Variants in MTX2 observed in about 807,000 individuals in gnomAD.
MTX2 encodes metaxin 2, also known as metaxin-2.
In MTX2, 35 loss-of-function variants were observed where a neutral mutation model predicts 42.3. The observed-to-expected ratio is 0.83, with a 90% CI of 0.63 to 1.10. The LOEUF is 1.10. MTX2 is among the 50% of genes least tolerant of loss of function. The pLI is 0.00. For missense variants in MTX2, 307 were observed against 304.1 expected (o/e 1.01, Z -0.07); for synonymous variants, 119 against 100.9 (o/e 1.18, Z -1.08).
chr2:176,317,205 T>C (rs1684468876), intron 3 of MTX2, among the ~76,000 whole-genome samples: 1 of 152,146 alleles, frequency 6.6e-6, no homozygotes, highest in South Asian at 2.1e-4. Flanking sequence ...ATAACTTCTT[T>C]CCTTCCTTTT....
intron 1 of MTX2, among the ~76,000 whole-genome samples, chr2:176,279,852 A>C (rs555612458): frequency 2.0e-5 from 3 of 152,156 alleles, no homozygotes; most frequent in Non-Finnish European, 4.4e-5. Flanking sequence ...TAATTTTAAT[A>C]TTAAAATAAA....
At chr2:176,292,987 A>G (rs930978088) in intron 1 of MTX2, among the ~76,000 whole-genome samples, 1 of 152,196 alleles carries the variant, frequency 6.6e-6, no homozygotes, top group Admixed American at 6.5e-5. Context: ...ATTGTGTGTA[A>G]CAGCATACAA....
intron 1 of MTX2, among the ~76,000 whole-genome samples, chr2:176,290,835 A>ATC (rs1693312780): frequency 6.6e-6 from 1 of 151,258 alleles, no homozygotes; most frequent in Non-Finnish European, 1.5e-5. Flanking sequence ...AGAAAAACAT[A>ATC]AATTAACTAT....
At chr2:176,293,869 C>A (rs1683765660) in intron 1 of MTX2, among the ~76,000 whole-genome samples, 1 of 152,164 alleles carries the variant, frequency 6.6e-6, no homozygotes, top group Non-Finnish European at 1.5e-5. Context: ...GTAAGATAGG[C>A]AGCTGTTCAT....
chr2:176,305,616 T>C (rs1244233998), intron 3 of MTX2, among the ~76,000 whole-genome samples: 1 of 152,154 alleles, frequency 6.6e-6, no homozygotes, highest in Non-Finnish European at 1.5e-5. Flanking sequence ...GTGCGTTATT[T>C]ATATGTAATT....
chr2:176,307,568 T>C (rs1418795879), intron 3 of MTX2, among the ~76,000 whole-genome samples: 1 of 152,232 alleles, frequency 6.6e-6, no homozygotes, highest in African/African-American at 2.4e-5. Flanking sequence ...TTGTGTCCTC[T>C]TTTATTTCCT....
At chr2:176,280,542 A>T (rs750944657) in intron 1 of MTX2, among the ~76,000 whole-genome samples, 3 of 152,202 alleles carry the variant, frequency 2.0e-5, no homozygotes, top group Non-Finnish European at 4.4e-5. Flanking sequence ...TGTGAGTGGC[A>T]CAAGGTGAGA....
At chr2:176,293,575 C>T (rs558899966) in intron 1 of MTX2, among the ~76,000 whole-genome samples, 3 of 152,108 alleles carry the variant, frequency 2.0e-5, no homozygotes, top group Admixed American at 6.5e-5. Context: ...TAAAAGAGAG[C>T]GGCATCTCCC....
At chr2:176,322,766 C>G (rs1438694389) in intron 3 of MTX2, among the ~76,000 whole-genome samples, 2 of 151,884 alleles carry the variant, frequency 1.3e-5, no homozygotes, top group Non-Finnish European at 2.9e-5. Context: ...TTGTGTATAG[C>G]ATTCCATAGT....
In MTX2 at chr2:176,336,743, A is replaced by AT. The variant is rs905387734; in HGVS notation, c.621-742dup. 3.9e-5 allele frequency among the ~76,000 whole-genome samples: 6 copies of AT among 152,068 alleles called. No individual in the cohort carries two copies. The South Asian group carries it at 8.3e-4, about 21-fold the overall frequency. ...GCAAGTCACACAACTAGCAAATCAT[A>AT]TTTTTTTTCCATATAGCAGAAACTC... On this transcript the variant is annotated intron_variant, in intron 9 of 9. Transcript: ENST00000249442.
chr2:176,308,901 C>T (rs372992347), intron 3 of MTX2, among the ~76,000 whole-genome samples: 8 of 152,246 alleles, frequency 5.3e-5, no homozygotes, highest in African/African-American at 1.9e-4. Flanking sequence ...TTCAGATCCG[C>T]TCTGATCTTA....
chr2:176,270,207 G>T (rs1692770001), intron 1 of MTX2: 2 of 351,900 alleles, frequency 5.7e-6, no homozygotes, highest in South Asian at 5.1e-5. Flanking sequence ...TTTCTCTTTT[G>T]TCACCGAGGC....
At chr2:176,331,577 T>G (rs939978967) in intron 9 of MTX2, among the ~76,000 whole-genome samples, 1 of 151,150 alleles carries the variant, frequency 6.6e-6, no homozygotes, top group Non-Finnish European at 1.5e-5. Context: ...TTAAGTTATA[T>G]TAATCTATAA....
intron 1 of MTX2, among the ~76,000 whole-genome samples, chr2:176,285,541 C>A (rs1039849959): frequency 1.3e-5 from 2 of 151,826 alleles, no homozygotes; most frequent in African/African-American, 4.8e-5. Flanking sequence ...TTCCCACCAC[C>A]AGCCTGAGTC....
At chr2:176,289,060 T>A (rs1346489773) in intron 1 of MTX2, among the ~76,000 whole-genome samples, 2 of 152,052 alleles carry the variant, frequency 1.3e-5, no homozygotes, top group Non-Finnish European at 2.9e-5. Context: ...TTATGTGAAT[T>A]TATTGGTTAG....
intron 2 of MTX2, among the ~76,000 whole-genome samples, chr2:176,297,407 C>G (rs1337420081): frequency 6.6e-6 from 1 of 152,170 alleles, no homozygotes; most frequent in Non-Finnish European, 1.5e-5. Flanking sequence ...CCCTAGTCTT[C>G]TAAGCATGGA....
At position 176,326,881 on chromosome 2, in the gene MTX2, G is replaced by C. The variant is rs770906767; in HGVS notation, c.265G>C (p.Val89Leu). The change falls in exon 5 of 10, where the codon GTC (valine) becomes CTC (leucine). Residue 89 changes from valine to leucine, a missense_variant. Physicochemically the swap from Val to Leu is conservative, Grantham distance 32. Coordinates refer to ENST00000249442, the MANE Select transcript of MTX2 (RefSeq NM_006554.5). ...AGTAGTATCAGAACTTGGTCCAATAGTCCAATTTGTTAAAGCCAAGGTAAT... is the reference window on the plus strand; with the variant it reads ...AGTAGTATCAGAACTTGGTCCAATACTCCAATTTGTTAAAGCCAAGGTAAT... ...NQVVSELGPI[V>L]QFVKAKGHSL... The C allele has an allele frequency of 1.3e-6, 2 of 1,564,466 alleles. No individual in the cohort carries two copies. The highest frequency in any genetic ancestry group is 2.3e-5 in the South Asian group (2 of 85,442).
At chr2:176,309,979 A>C (rs1277447772) in intron 3 of MTX2, among the ~76,000 whole-genome samples, 2 of 151,396 alleles carry the variant, frequency 1.3e-5, no homozygotes, top group Non-Finnish European at 3.0e-5. Flanking sequence ...CCTGTTAATT[A>C]ATGCAGTTTC....
intron 3 of MTX2, among the ~76,000 whole-genome samples, chr2:176,316,119 A>G (rs1017213950): frequency 2.6e-5 from 4 of 152,162 alleles, no homozygotes; most frequent in Non-Finnish European, 5.9e-5. Flanking sequence ...TTATTTTTGT[A>G]GGTCCTCAAA....
Sources: gnomAD v4.1 joint callset for allele counts (sites outside exome capture counted in the v4.1 genomes callset) on GRCh38, gnomAD v4.1.1 for gene constraint, MANE v1.5 for transcripts, NCBI Gene and HGNC (gene_info 2026-07-23, HGNC 2026-07-21) for gene names.